The following NUDCD2 variants were observed in gnomAD, a reference collection of about 807,000 sequenced individuals.
NUDCD2 encodes nudC domain-containing protein 2.
A neutral mutation model predicts 20.8 loss-of-function variants in NUDCD2; 16 were observed. That is an observed-to-expected ratio of 0.77 (90% CI 0.52 to 1.17). The LOEUF (loss-of-function observed/expected upper bound fraction) is 1.17. Ranked by LOEUF, NUDCD2 falls within the 50% of genes most tolerant of loss-of-function variation. NUDCD2 has a pLI of 0.00. For synonymous variants in NUDCD2, 87 were observed against 72.8 expected, an observed-to-expected ratio of 1.20 and a Z score of -1.00; for missense variants, 199 against 193.9, an observed-to-expected ratio of 1.03 and a Z score of -0.16.
Position 163,454,065 on chromosome 5 carries a change from C to CAT in NUDCD2, c.391-17_391-16dup. On this transcript the variant is annotated splice_polypyrimidine_tract_variant and intron_variant, in intron 3 of 3. Transcript: ENST00000302764. ...AAACCAGGATTCTAAAAGATACAAA[C>CAT]ATATATATAATGAAATAAAACTTAT... 7.3e-7 allele frequency: 1 copy of CAT among 1,379,010 alleles called. No homozygotes were observed. The highest frequency in any genetic ancestry group is 1.5e-5 in the South Asian group (1 of 67,622). 85.4% of individuals were successfully genotyped at this position (1,379,010 alleles called of 1,614,324 possible).
At position 163,450,090 on chromosome 5, in the gene NUDCD2, A is replaced by G. The variant is rs1758140708; in HGVS notation, c.*3877T>C. The stretch of plus-strand genomic sequence containing the variant: ...ATATGGTGAAATCCCAACTCTACTA[A>G]AAATAAAAAATAAAAAAAAAATGGG... On this transcript the variant is annotated 3_prime_UTR_variant, in exon 4 of 4. Transcript: ENST00000302764. The G allele has an allele frequency of 6.6e-6, 1 of 152,018 alleles. No individual in the cohort carries two copies. The highest frequency in any genetic ancestry group is 2.1e-4 in the South Asian group (1 of 4,826). 9.4% of individuals were successfully genotyped at this position (152,018 alleles called of 1,614,324 possible).
At chr5:163,454,363 C>T (rs1183630461) in intron 3 of NUDCD2, among the ~76,000 whole-genome samples, 1 of 151,808 alleles carries the variant, frequency 6.6e-6, no homozygotes, top group East Asian at 1.9e-4. Flanking sequence ...TTTTTTGAGA[C>T]GGAGTTTCGC....
rs763631537 is a variant in NUDCD2, at chr5:163,459,895, C to T, written c.156G>A (p.Val52=). 6.2e-6 allele frequency: 10 copies of T among 1,610,092 alleles called. No homozygotes were observed. The East Asian group carries it at 2.0e-4, about 32-fold the overall frequency. Residue 52 remains valine, a synonymous_variant, in exon 1 of 4, where the codon GTG becomes GTA. Transcript: ENST00000302764. Reference sequence around the variant, plus strand: ...TCTCGCGGCCGCCCACCGACAGCGCCACATGCCGGCTCTGGAGGCCGCACT... The same window carrying T: ...TCTCGCGGCCGCCCACCGACAGCGCTACATGCCGGCTCTGGAGGCCGCACT... ...DIQCGLQSRH[V]ALSVGGREIL...
In NUDCD2 at chr5:163,450,875, G is replaced by T. The variant is rs1321456859; in HGVS notation, c.*3092C>A. The T allele has an allele frequency of 6.6e-6, 1 of 152,170 alleles. No individual in the cohort carries two copies. The highest frequency in any genetic ancestry group is 1.5e-5 in the Non-Finnish European group (1 of 68,044). The allele number at this position is 152,170 out of a possible 1,614,324, so 9.4% of individuals were successfully genotyped here. ...GTTTATAGCAGCTTTAGTCAGGACAGCCAAAGGGTGGAAATACCCAAAATG... is the reference window on the plus strand; with the variant it reads ...GTTTATAGCAGCTTTAGTCAGGACATCCAAAGGGTGGAAATACCCAAAATG... On this transcript the variant is annotated 3_prime_UTR_variant, in exon 4 of 4. Coordinates refer to ENST00000302764, the MANE Select transcript of NUDCD2 (RefSeq NM_145266.6).
chr5:163,451,030 A>G lies in NUDCD2; in HGVS notation c.*2937T>C, dbSNP rs1412487691. 1 of 152,266 alleles carries G rather than the reference A, an allele frequency of 6.6e-6. No individual in the cohort carries two copies. The highest frequency in any genetic ancestry group is 1.5e-5 in the Non-Finnish European group (1 of 68,046). 9.4% of individuals were successfully genotyped at this position (152,266 alleles called of 1,614,324 possible). ...TAAGACATGTAAAGTGAAGGAAGCC[A>G]GTAACCAAAGACCACGTATTATGAT... is the stretch of plus-strand genomic sequence containing the variant. On this transcript the variant is annotated 3_prime_UTR_variant, in exon 4 of 4. Transcript: ENST00000302764.
In NUDCD2 at chr5:163,452,486, A is replaced by G. The variant is rs1758202353; in HGVS notation, c.*1481T>C. The G allele has an allele frequency of 6.7e-6, 1 of 150,336 alleles. No homozygotes were observed. The highest frequency in any genetic ancestry group is 2.5e-5 in the African/African-American group (1 of 39,708). 9.3% of individuals were successfully genotyped at this position (150,336 alleles called of 1,614,324 possible). ...AAATGTACAATAATTTTGAGCACCA[A>G]TGTAATGATAATAGGTTTTTTAACC... On this transcript the variant is annotated 3_prime_UTR_variant, in exon 4 of 4. Transcript: ENST00000302764.
chr5:163,457,979 CTTTTTTTTT>C (rs540496894), intron 1 of NUDCD2, among the ~76,000 whole-genome samples: 7 of 73,712 alleles, frequency 9.5e-5, no homozygotes, highest in Admixed American at 4.1e-4. Flanking sequence ...AAAATGTTGT[CTTTTTTTTT>C]TTTTTTTTTT....
rs10060773 is a variant in NUDCD2, at chr5:163,450,406, G to C, written c.*3561C>G. 2.0e-5 allele frequency: 3 copies of C among 152,090 alleles called. No homozygotes were observed. The East Asian group carries it at 5.8e-4, about 29-fold the overall frequency. The allele number at this position is 152,090 out of a possible 1,614,324, so 9.4% of individuals were successfully genotyped here. ...CAAAAGACACTATCAACAAAGTAAA[G>C]AGAGAATAGGAGAAATTACAAATCA... On this transcript the variant is annotated 3_prime_UTR_variant, in exon 4 of 4. Coordinates refer to ENST00000302764, the MANE Select transcript of NUDCD2 (RefSeq NM_145266.6).
chr5:163,447,629 A>G lies in NUDCD2; in HGVS notation c.*6338T>C, dbSNP rs1385359954. The G allele has an allele frequency of 6.6e-6, 1 of 152,126 alleles. No individual in the cohort carries two copies. The highest frequency in any genetic ancestry group is 1.5e-5 in the Non-Finnish European group (1 of 68,014). 9.4% of individuals were successfully genotyped at this position (152,126 alleles called of 1,614,324 possible). On this transcript the variant is annotated 3_prime_UTR_variant, in exon 4 of 4. Coordinates refer to ENST00000302764, the MANE Select transcript of NUDCD2 (RefSeq NM_145266.6). ...ACCAGCTAGATTTAATTGACATAAA[A>G]CCCTTCTACCTAAAACAGCAGAATA... is the stretch of plus-strand genomic sequence containing the variant.
At chr5:163,459,805 C>A in intron 1 of NUDCD2, 57 bp downstream of exon 1, 3 of 1,474,718 alleles carry the variant, frequency 2.0e-6, no homozygotes, top group Non-Finnish European at 2.7e-6. Flanking sequence ...TTCAGGGAAA[C>A]GGGGCTGGGG....
In NUDCD2 at chr5:163,446,838, A is replaced by C. The variant is rs747060257; in HGVS notation, c.*7129T>G. 6.6e-6 allele frequency: 1 copy of C among 151,930 alleles called. No individual in the cohort carries two copies. The highest frequency in any genetic ancestry group is 1.5e-5 in the Non-Finnish European group (1 of 68,024). The allele number at this position is 151,930 out of a possible 1,614,324, so 9.4% of individuals were successfully genotyped here. On this transcript the variant is annotated 3_prime_UTR_variant, in exon 4 of 4. Transcript: ENST00000302764. ...GAGACCAGCATGGCCAACATGGTGA[A>C]ACCCCATCTCTACTAAAAATACAAA...
chr5:163,451,166 A>G lies in NUDCD2; in HGVS notation c.*2801T>C, dbSNP rs185105186. The G allele has an allele frequency of 1.2e-3, 188 of 152,334 alleles. No individual in the cohort carries two copies. Among genetic ancestry groups the G allele is most frequent in the African/African-American group, 4.3e-3 (179 of 41,590 alleles). 9.4% of individuals were successfully genotyped at this position (152,334 alleles called of 1,614,324 possible). On this transcript the variant is annotated 3_prime_UTR_variant, in exon 4 of 4. Coordinates refer to ENST00000302764, the MANE Select transcript of NUDCD2 (RefSeq NM_145266.6). ...AAAAGCTAAACTATACAAGGTTTCT[A>G]TCTGAGGTGATGAAAACATTCTAAA...
Position 163,459,958 on chromosome 5 carries a change from T to C in NUDCD2, c.93A>G (p.Glu31=), listed in dbSNP as rs200223948. The change falls in exon 1 of 4, where the codon GAA becomes GAG. Residue 31 remains glutamate, a synonymous_variant. Coordinates refer to ENST00000302764, the MANE Select transcript of NUDCD2 (RefSeq NM_145266.6). ...WYQTLEEVFI[E]VQVPPGTRAQ... Reference sequence around the variant, plus strand: ...CGCGCGTGCCTGGCGGCACCTGAACTTCAATGAACACCTCCTCCAAGGTCT... The same window carrying C: ...CGCGCGTGCCTGGCGGCACCTGAACCTCAATGAACACCTCCTCCAAGGTCT... 1 of 1,613,364 alleles carries C rather than the reference T, an allele frequency of 6.2e-7. No individual in the cohort carries two copies. Among genetic ancestry groups the C allele is most frequent in the East Asian group, 2.2e-5 (1 of 44,762 alleles).
At chr5:163,458,338 G>A (rs1322777801) in intron 1 of NUDCD2, among the ~76,000 whole-genome samples, 1 of 151,472 alleles carries the variant, frequency 6.6e-6, no homozygotes, top group Non-Finnish European at 1.5e-5. Flanking sequence ...TTGGGCAATC[G>A]GCATTAAAAA....
chr5:163,456,757 C>T (rs932342750), intron 3 of NUDCD2, among the ~76,000 whole-genome samples, 172 bp downstream of exon 3: 5 of 152,038 alleles, frequency 3.3e-5, no homozygotes, highest in East Asian at 1.9e-4. Context: ...GAAAATCTTC[C>T]GAAAAATCAA....
Position 163,450,368 on chromosome 5 carries a change from T to A in NUDCD2, c.*3599A>T, listed in dbSNP as rs1054793210. On this transcript the variant is annotated 3_prime_UTR_variant, in exon 4 of 4. Coordinates refer to ENST00000302764, the MANE Select transcript of NUDCD2 (RefSeq NM_145266.6). ...ATGATGGATAAGACTTCATCAAAAT[T>A]AAGTCTGTGCTTCAAAAGACACTAT... 1 of 152,128 alleles carries A rather than the reference T, an allele frequency of 6.6e-6. No individual in the cohort carries two copies. The highest frequency in any genetic ancestry group is 2.4e-5 in the African/African-American group (1 of 41,416). 9.4% of individuals were successfully genotyped at this position (152,128 alleles called of 1,614,324 possible).
rs558256841 is a variant in NUDCD2 at position 163,447,876 on chromosome 5, A to G, written c.*6091T>C. The G allele has an allele frequency of 2.2e-4, 34 of 152,368 alleles. No homozygotes were observed. The highest frequency in any genetic ancestry group is 8.2e-4 in the African/African-American group (34 of 41,596). 9.4% of individuals were successfully genotyped at this position (152,368 alleles called of 1,614,324 possible). ...GGGAAGTCTTAAAAAATATTTTAAA[A>G]TAAATGAAAATATCACCGTGCTTGG... On this transcript the variant is annotated 3_prime_UTR_variant, in exon 4 of 4. Coordinates refer to ENST00000302764, the MANE Select transcript of NUDCD2 (RefSeq NM_145266.6).
Position 163,457,063 on chromosome 5 carries a change from G to C in NUDCD2, c.256C>G (p.Arg86Gly), listed in dbSNP as rs543711948. 8 of 1,600,468 alleles carry C rather than the reference G, an allele frequency of 5.0e-6. No individual in the cohort carries two copies. The highest frequency in any genetic ancestry group is 6.8e-6 in the Non-Finnish European group (8 of 1,175,078). The change falls in exon 3 of 4, where the codon CGT (arginine) becomes GGT (glycine). Residue 86 changes from arginine (R) to glycine (G), a missense_variant. Transcript: ENST00000302764. ...CTCTTTGTCTTTGTAAGAACAATAC[G>C]AACCATTTTTCTGTCCTCTAAAAAA... ...TWTLEDRKMV[R>G]IVLTKTKRDA...
Position 163,453,225 on chromosome 5 carries a change from GAATAA to G in NUDCD2, c.*737_*741del, listed in dbSNP as rs1758223108. 1 of 152,134 alleles carries G rather than the reference GAATAA, an allele frequency of 6.6e-6. No individual in the cohort carries two copies. Among genetic ancestry groups the G allele is most frequent in the Non-Finnish European group, 1.5e-5 (1 of 67,996 alleles). 9.4% of individuals were successfully genotyped at this position (152,134 alleles called of 1,614,324 possible). Reference sequence around the variant, plus strand: ...ATAAAAAGGACATAAATAGGATATTGAATAAAATGTCTATAGACAATTCCTACCTA... The same window carrying G: ...ATAAAAAGGACATAAATAGGATATTGAATGTCTATAGACAATTCCTACCTA... On this transcript the variant is annotated 3_prime_UTR_variant, in exon 4 of 4. Transcript: ENST00000302764.
Sources: gnomAD v4.1 joint callset for allele counts (sites outside exome capture counted in the v4.1 genomes callset) on GRCh38, gnomAD v4.1.1 for gene constraint, MANE v1.5 for transcripts, NCBI Gene and HGNC (gene_info 2026-07-23, HGNC 2026-07-21) for gene names.